Variants in ZNF330 observed in about 807,000 individuals in gnomAD.
ZNF330 encodes nucleolar atypical zinc finger, also known as zinc finger protein 330.
In ZNF330, 31 loss-of-function variants were observed where a neutral mutation model predicts 45.5. The ratio of observed to expected loss-of-function variants is 0.68; its 90% CI spans 0.51 to 0.92. ZNF330 has a LOEUF of 0.92. ZNF330 is among the 40% of genes least tolerant of loss of function. The probability of loss-of-function intolerance (pLI) is 0.00; values close to 1 mark genes in which losing one functional copy is unlikely to be tolerated. For missense variants in ZNF330, 356 were observed against 387.4 expected (o/e 0.92, Z 0.68); for synonymous variants, 138 against 123.2 (o/e 1.12, Z -0.79).
chr4:141,226,025 C>A (rs535328954), intron 4 of ZNF330, among the ~76,000 whole-genome samples: 19 of 152,180 alleles, frequency 1.2e-4, no homozygotes, highest in African/African-American at 3.6e-4. Flanking sequence ...CTTTTGTGTT[C>A]CATTTTGTGG....
At chr4:141,225,256 C>T (rs533101493) in intron 4 of ZNF330, among the ~76,000 whole-genome samples, 91 of 151,974 alleles carry the variant, frequency 6.0e-4, no homozygotes, top group Non-Finnish European at 7.4e-4. Context: ...AATGATTATA[C>T]AAAATAAAAC....
rs766996994 is a variant in ZNF330, at chr4:141,234,000, C to T, written c.*11C>T. 6.2e-7 allele frequency: 1 copy of T among 1,603,370 alleles called. No individual in the cohort carries two copies. Among genetic ancestry groups the T allele is most frequent in the South Asian group, 1.1e-5 (1 of 89,208 alleles). On this transcript the variant is annotated 3_prime_UTR_variant, in exon 10 of 10. Coordinates refer to ENST00000262990, the MANE Select transcript of ZNF330 (RefSeq NM_014487.6). ...GAACAAGAGAACTAGGGGAGCTGCT[C>T]TGGTGGCCGTGTGTGAGAGGAGCAG... is the stretch of plus-strand genomic sequence containing the variant.
chr4:141,223,940 A>G, intron 2 of ZNF330: 1 of 354,228 alleles, frequency 2.8e-6, no homozygotes, highest in South Asian at 2.3e-5. Context: ...ATGGCTGACC[A>G]TTAGTGACTT....
intron 5 of ZNF330, among the ~76,000 whole-genome samples, chr4:141,228,976 A>C (rs1439264060): frequency 6.6e-6 from 1 of 152,066 alleles, no homozygotes; most frequent in East Asian, 1.9e-4. Context: ...ATAGAATTGG[A>C]GAATCTTACC....
In ZNF330 at chr4:141,229,138, TAAG is replaced by T. The variant is rs201409916; in HGVS notation, c.292-429_292-427del. ...TAGAAAAGCTATGCAAATATATAGA[TAAG>T]AAGGTATTTTAAAAATCAGAAATGG... On this transcript the variant is annotated intron_variant, in intron 5 of 9. Transcript: ENST00000262990. Among the ~76,000 whole-genome samples the T allele has an allele frequency of 8.9e-3, 1,348 of 152,216 alleles. 19 individuals are homozygous for T. The highest frequency in any genetic ancestry group is 0.031 in the African/African-American group (1,268 of 41,524).
At chr4:141,225,159 T>C (rs907406237) in intron 4 of ZNF330, among the ~76,000 whole-genome samples, 1 of 152,190 alleles carries the variant, frequency 6.6e-6, no homozygotes, top group East Asian at 1.9e-4. Flanking sequence ...ATTCATGAGT[T>C]TCCTCACATG....
At chr4:141,223,190 G>A (rs1365375752) in intron 2 of ZNF330, among the ~76,000 whole-genome samples, 1 of 152,172 alleles carries the variant, frequency 6.6e-6, no homozygotes, top group East Asian at 1.9e-4. Context: ...TGTGGGTAGT[G>A]ATACATAGAT....
At chr4:141,229,876 A>G (rs1453498640) in intron 6 of ZNF330, among the ~76,000 whole-genome samples, 179 bp downstream of exon 6, 2 of 152,016 alleles carry the variant, frequency 1.3e-5, no homozygotes, top group Non-Finnish European at 2.9e-5. Flanking sequence ...CAATGCTAGT[A>G]TTGTTTACCC....
chr4:141,226,105 T>C (rs1728797013), intron 4 of ZNF330, among the ~76,000 whole-genome samples: 1 of 152,098 alleles, frequency 6.6e-6, no homozygotes, highest in Non-Finnish European at 1.5e-5. Flanking sequence ...TTCCTGATAG[T>C]GTTTTGAGTT....
chr4:141,227,128 A>T (rs530856167), intron 5 of ZNF330, among the ~76,000 whole-genome samples: 24 of 148,534 alleles, frequency 1.6e-4, no homozygotes, highest in Admixed American at 4.7e-4. Context: ...TTTTTTTTTT[A>T]AATTTTATTA....
intron 3 of ZNF330, 45 bp downstream of exon 3, chr4:141,224,551 C>T (rs1480017959): frequency 2.5e-6 from 4 of 1,607,456 alleles, no homozygotes; most frequent in East Asian, 2.2e-5. Flanking sequence ...AAAATTGTCC[C>T]TCTGACTTTT....
chr4:141,229,534 G>T, intron 5 of ZNF330, 37 bp from the exon 6 acceptor site: 1 of 1,611,166 alleles, frequency 6.2e-7, no homozygotes, highest in African/African-American at 1.3e-5. Flanking sequence ...AGGTGGTCAG[G>T]TGATAATGAT....
rs1431825163 is a variant in ZNF330, at chr4:141,233,820, C to T, written c.794C>T (p.Thr265Ile). The part of the protein sequence containing the change: ...KNLSSDKYGD[T>I]SYHDEEEDEY... ...CTTTCATCTGATAAGTATGGTGATA[C>T]CAGCTACCACGATGAGGAGGAGGAT... Residue 265 changes from threonine (T) to isoleucine (I), a missense_variant, in exon 10 of 10, where the codon ACC (threonine) becomes ATC (isoleucine). Transcript: ENST00000262990. 1 of 1,613,478 alleles carries T rather than the reference C, an allele frequency of 6.2e-7. No homozygotes were observed. Among genetic ancestry groups the T allele is most frequent in the East Asian group, 2.2e-5 (1 of 44,868 alleles).
chr4:141,222,305 T>G, intron 1 of ZNF330, 61 bp from the exon 2 acceptor site: 1 of 1,559,866 alleles, frequency 6.4e-7, no homozygotes, highest in Non-Finnish European at 8.7e-7. Context: ...TTTCTTAGTT[T>G]ATTAAAATAG....
intron 4 of ZNF330, 81 bp downstream of exon 4, chr4:141,224,758 T>C: frequency 1.2e-5 from 14 of 1,133,352 alleles, no homozygotes; most frequent in Non-Finnish European, 1.6e-5. Context: ...TTTGTTGCTA[T>C]TGGTTACAGT....
At chr4:141,222,623 G>T (rs1344673506) in intron 2 of ZNF330, 132 bp downstream of exon 2, 3 of 924,462 alleles carry the variant, frequency 3.2e-6, no homozygotes, top group African/African-American at 3.3e-5. Context: ...AGTATCTCTG[G>T]CACGTCTGTT....
chr4:141,234,103 A>G lies in ZNF330; in HGVS notation c.*114A>G. 2.7e-6 allele frequency: 4 copies of G among 1,472,804 alleles called. No homozygotes were observed. Among genetic ancestry groups the G allele is most frequent in the Non-Finnish European group, 3.6e-6 (4 of 1,118,590 alleles). 91.2% of individuals were successfully genotyped at this position (1,472,804 alleles called of 1,614,324 possible). ...GCCACTTAGCCTTGTGCAGAAGACT[A>G]GTTACACTTAATGGGCCAAGCAATA... On this transcript the variant is annotated 3_prime_UTR_variant, in exon 10 of 10. Coordinates refer to ENST00000262990, the MANE Select transcript of ZNF330 (RefSeq NM_014487.6).
At chr4:141,221,719 ATACTCT>A (rs1728683327) in intron 1 of ZNF330, among the ~76,000 whole-genome samples, 1 of 152,224 alleles carries the variant, frequency 6.6e-6, no homozygotes, top group Admixed American at 6.5e-5. Context: ...AAAATTAAAC[ATACTCT>A]TAAACGTAAA....
rs1352993100 is a variant in ZNF330 at position 141,224,518 on chromosome 4, TTC to T, written c.140+14_140+15del. The T allele has an allele frequency of 6.2e-7, 1 of 1,606,830 alleles. No homozygotes were observed. Among genetic ancestry groups the T allele is most frequent in the Non-Finnish European group, 8.5e-7 (1 of 1,174,332 alleles). ...GACAAGTGTCAGAGGTAAATTTTAT[TTC>T]TTTTTCTATCTACCTTTAATAAAAT... On this transcript the variant is annotated intron_variant, in intron 3 of 9. Coordinates refer to ENST00000262990, the MANE Select transcript of ZNF330 (RefSeq NM_014487.6).
Sources: allele counts gnomAD v4.1 joint callset (sites outside exome capture counted in the v4.1 genomes callset), GRCh38; gene constraint gnomAD v4.1.1; transcripts MANE v1.5; gene names NCBI Gene and HGNC (gene_info 2026-07-23, HGNC 2026-07-21).